Variants in RBM43 observed in about 807,000 individuals in gnomAD.
RBM43 encodes RNA-binding protein 43.
In RBM43, 12 loss-of-function variants were observed where a neutral mutation model predicts 12.4. The ratio of observed to expected loss-of-function variants is 0.97; its 90% CI spans 0.62 to 1.57. The LOEUF is 1.57. Ranked by LOEUF, RBM43 falls within the 40% of genes most tolerant of loss-of-function variation. RBM43 has a pLI of 0.00. For missense variants in RBM43, 348 were observed against 400.1 expected (o/e 0.87, Z 1.11); for synonymous variants, 138 against 145.7 (o/e 0.95, Z 0.38).
rs773044666 is a variant in RBM43, at chr2:151,251,063, TTCTC to T, written c.913_916del (p.Glu305LysfsTer3). 4.2e-5 allele frequency: 68 copies of T among 1,614,062 alleles called. No individual in the cohort carries two copies. The highest frequency in any genetic ancestry group is 1.3e-4 in the East Asian group (6 of 44,872). The stretch of plus-strand genomic sequence containing the variant: ...TTCACATGCCCTTTTGATCATTCTT[TTCTC>T]TCTATTTTCCTTTCCTTCCAAAATA... On this transcript the variant is annotated frameshift_variant, in exon 4 of 4. Transcript: ENST00000331426. LOFTEE classifies it low-confidence loss of function (END_TRUNC).
intron 1 of RBM43, 23 bp downstream of exon 1, chr2:151,261,702 A>G: frequency 1.3e-6 from 2 of 1,597,952 alleles, no homozygotes; most frequent in Non-Finnish European, 1.7e-6. Context: ...TGCACCGCAA[A>G]ACCCAAAGCA....
Position 151,251,542 on chromosome 2 carries a change from G to A in RBM43, c.438C>T (p.Pro146=). ...IPSLSFSPLK[P]NGRISVEGSF... ...ATCCTTCCACGGAGATTCTTCCATT[G>A]GGTTTCAAAGGACTGAAGCTTAAAC... The change falls in exon 4 of 4, where the codon CCC becomes CCT. Residue 146 remains proline, a synonymous_variant. Coordinates refer to ENST00000331426, the MANE Select transcript of RBM43 (RefSeq NM_198557.3). The A allele has an allele frequency of 6.2e-7, 1 of 1,614,042 alleles. No individual in the cohort carries two copies. The highest frequency in any genetic ancestry group is 8.5e-7 in the Non-Finnish European group (1 of 1,179,996).
At chr2:151,253,030 T>C (rs73967513) in intron 2 of RBM43, among the ~76,000 whole-genome samples, 175 bp from the exon 3 acceptor site, 4,455 of 152,286 alleles carry the variant, frequency 0.029, 218 homozygotes, top group African/African-American at 0.1. Flanking sequence ...AAAGTTCATT[T>C]TATGTGTAAA....
chr2:151,253,913 C>A (rs950344278), intron 2 of RBM43, among the ~76,000 whole-genome samples: 15 of 152,094 alleles, frequency 9.9e-5, no homozygotes, highest in Non-Finnish European at 8.8e-5. Flanking sequence ...ATGTTCTCCC[C>A]ACTTATCTGT....
chr2:151,256,453 C>CTAAA (rs1276270061), intron 1 of RBM43, among the ~76,000 whole-genome samples: 1 of 152,068 alleles, frequency 6.6e-6, no homozygotes, highest in East Asian at 1.9e-4. Flanking sequence ...ATTGTAGAGT[C>CTAAA]TAAAGTATGT....
At chr2:151,260,032 A>G (rs1302710834) in intron 1 of RBM43, among the ~76,000 whole-genome samples, 2 of 151,654 alleles carry the variant, frequency 1.3e-5, no homozygotes, top group Admixed American at 1.3e-4. Context: ...TGCCCGACTA[A>G]TTTTTGTATT....
At chr2:151,253,623 G>T (rs1054121364) in intron 2 of RBM43, among the ~76,000 whole-genome samples, 1 of 152,166 alleles carries the variant, frequency 6.6e-6, no homozygotes, top group Non-Finnish European at 1.5e-5. Context: ...AATTCCTGTT[G>T]TTCAAACAGC....
rs1682857931 is a variant in RBM43 at position 151,249,109 on chromosome 2, G to C, written c.*1797C>G. The C allele has an allele frequency of 6.6e-6, 1 of 152,156 alleles. No homozygotes were observed. The highest frequency in any genetic ancestry group is 2.4e-5 in the African/African-American group (1 of 41,428). The allele number at this position is 152,156 out of a possible 1,614,324, so 9.4% of individuals were successfully genotyped here. A position where few individuals can be genotyped will look rare whatever the true frequency, so the allele number is the denominator to read the frequency against. ...GAAAGGATTACCTGTGAAAGTGGTG[G>C]GGGTGTAGGGGGTTCAAAGGGCCCC... On this transcript the variant is annotated 3_prime_UTR_variant, in exon 4 of 4. Transcript: ENST00000331426.
intron 2 of RBM43, 97 bp from the exon 3 acceptor site, chr2:151,252,952 GA>G (rs1205086008): frequency 3.6e-6 from 2 of 555,010 alleles, no homozygotes; most frequent in Non-Finnish European, 6.2e-6. Flanking sequence ...GAATGTCTAA[GA>G]TTTTTTTCTA....
chr2:151,253,740 G>A (rs1424924669), intron 2 of RBM43, among the ~76,000 whole-genome samples: 1 of 152,026 alleles, frequency 6.6e-6, no homozygotes, highest in Non-Finnish European at 1.5e-5. Context: ...CCATGATCCA[G>A]CAGTTACTGA....
At chr2:151,261,039 C>T in intron 1 of RBM43, 1 of 525,856 alleles carries the variant, frequency 1.9e-6, no homozygotes, top group Non-Finnish European at 3.4e-6. Flanking sequence ...GACGACGCCT[C>T]TACCGCCACC....
At chr2:151,254,394 T>C (rs774593625) in intron 2 of RBM43, among the ~76,000 whole-genome samples, 1 of 151,914 alleles carries the variant, frequency 6.6e-6, no homozygotes, top group Non-Finnish European at 1.5e-5. Flanking sequence ...AGAGAAAAAA[T>C]GAGCCCCTGA....
chr2:151,253,548 C>T (rs1682932954), intron 2 of RBM43, among the ~76,000 whole-genome samples: 1 of 152,120 alleles, frequency 6.6e-6, no homozygotes, highest in Admixed American at 6.6e-5. Context: ...TCAACATGTC[C>T]CGAATACCCA....
intron 2 of RBM43, among the ~76,000 whole-genome samples, chr2:151,253,964 CA>C (rs1256488491): frequency 6.6e-6 from 1 of 152,192 alleles, no homozygotes; most frequent in African/African-American, 2.4e-5. Flanking sequence ...GTCATCTAAA[CA>C]GAGCATTTCC....
chr2:151,259,239 A>G (rs1683015407), intron 1 of RBM43, among the ~76,000 whole-genome samples: 2 of 152,218 alleles, frequency 1.3e-5, no homozygotes, highest in East Asian at 1.9e-4. Context: ...AAATACACAT[A>G]ACACTGGACC....
intron 3 of RBM43, among the ~76,000 whole-genome samples, chr2:151,252,492 G>A (rs1682914995): frequency 6.6e-6 from 1 of 152,176 alleles, no homozygotes; most frequent in Non-Finnish European, 1.5e-5. Context: ...CACTGCCTGG[G>A]TGACGGAGCA....
Position 151,255,707 on chromosome 2 carries a change from C to CATTCA in RBM43, c.39_40insTGAAT (p.Glu14Ter), listed in dbSNP as rs772352743. The CATTCA allele has an allele frequency of 8.7e-6, 14 of 1,613,798 alleles. No individual in the cohort carries two copies. The highest frequency in any genetic ancestry group is 4.0e-5 in the African/African-American group (3 of 74,906). ...AGACCAGCAACTACAACCGTTCTTT[C>CATTCA]AGGAGCTTTGGATTCCTTGACATTC... On this transcript the variant is annotated stop_gained and frameshift_variant, in exon 2 of 4. Coordinates refer to ENST00000331426, the MANE Select transcript of RBM43 (RefSeq NM_198557.3). LOFTEE classifies it high-confidence loss of function.
chr2:151,257,489 C>T (rs796099994), intron 1 of RBM43, among the ~76,000 whole-genome samples: 4 of 152,024 alleles, frequency 2.6e-5, no homozygotes, highest in African/African-American at 7.2e-5. Context: ...GTTGGGAGTT[C>T]GAGACCAGCC....
rs1170646727 is a variant in RBM43 at position 151,248,523 on chromosome 2, A to C, written c.*2383T>G. 1 of 152,350 alleles carries C rather than the reference A, an allele frequency of 6.6e-6. No individual in the cohort carries two copies. Among genetic ancestry groups the C allele is most frequent in the Admixed American group, 6.5e-5 (1 of 15,302 alleles). 9.4% of individuals were successfully genotyped at this position (152,350 alleles called of 1,614,324 possible). On this transcript the variant is annotated 3_prime_UTR_variant, in exon 4 of 4. Transcript: ENST00000331426. The stretch of plus-strand genomic sequence containing the variant: ...CACCTTTGAGACAGTATTTTTTAAC[A>C]AGGCAATATTTGTATCCTGAATGTG...
Sources: allele counts gnomAD v4.1 joint callset (sites outside exome capture counted in the v4.1 genomes callset), GRCh38; gene constraint gnomAD v4.1.1; transcripts MANE v1.5; gene names NCBI Gene and HGNC (gene_info 2026-07-23, HGNC 2026-07-21).